Variants in GPC6 observed in about 807,000 individuals in gnomAD.
GPC6 encodes the protein glypican 6.
A neutral mutation model predicts 55.2 loss-of-function variants in GPC6; 14 were observed. The observed-to-expected ratio is 0.25, with a 90% confidence interval of 0.17 to 0.40. The LOEUF (loss-of-function observed/expected upper bound fraction) is 0.40, where lower values mean the gene tolerates loss of function less well. GPC6 is among the 10% of genes least tolerant of loss of function. The pLI is 1.00. For missense variants in GPC6, 641 were observed against 708.5 expected, an observed-to-expected ratio of 0.90 and a Z score of 1.08; for synonymous variants, 278 against 259.6, an observed-to-expected ratio of 1.07 and a Z score of -0.68.
chr13:94,106,436 T>C (rs990450943), intron 4 of GPC6, among the ~76,000 whole-genome samples: 1 of 152,110 alleles, frequency 6.6e-6, no homozygotes, highest in Non-Finnish European at 1.5e-5. Context: ...TTCTGAGAAG[T>C]TGGAAAGTAA....
chr13:94,161,716 A>C (rs1888172741), intron 4 of GPC6, among the ~76,000 whole-genome samples: 1 of 152,166 alleles, frequency 6.6e-6, no homozygotes, highest in Non-Finnish European at 1.5e-5. Context: ...GTCAGCTAGA[A>C]TATTCTGCAC....
chr13:93,410,969 A>G (rs1191109528), intron 1 of GPC6, among the ~76,000 whole-genome samples: 1 of 152,176 alleles, frequency 6.6e-6, no homozygotes, highest in Non-Finnish European at 1.5e-5. Context: ...TTGCATCCAT[A>G]TATGTCAATG....
rs374294583 is a variant in GPC6, at chr13:93,873,308, T to G, written c.711+42763T>G. Among the ~76,000 whole-genome samples the G allele has an allele frequency of 9.2e-5, 14 of 152,116 alleles. 1 individual carries two copies. Among genetic ancestry groups the G allele is most frequent in the African/African-American group, 3.4e-4 (14 of 41,552 alleles). Reference sequence around the variant, plus strand: ...ACTACATTTTAATTCTGTTTAACATTGCCTCTTTCTTTTTAATTTTTGGTG... The same window carrying G: ...ACTACATTTTAATTCTGTTTAACATGGCCTCTTTCTTTTTAATTTTTGGTG... On this transcript the variant is annotated intron_variant, in intron 3 of 8. Coordinates refer to ENST00000377047, the MANE Select transcript of GPC6 (RefSeq NM_005708.5).
chr13:93,532,274 T>G (rs1594241626), intron 1 of GPC6, among the ~76,000 whole-genome samples: 1 of 152,240 alleles, frequency 6.6e-6, no homozygotes, highest in East Asian at 1.9e-4. Flanking sequence ...TTCTATTCAT[T>G]ATCTTTTAAA....
chr13:93,652,522 C>T (rs1195178261), intron 2 of GPC6, among the ~76,000 whole-genome samples: 1 of 152,188 alleles, frequency 6.6e-6, no homozygotes, highest in East Asian at 1.9e-4. Context: ...TTAGGAATTG[C>T]ATTTTTGCCC....
At chr13:93,780,673 T>A (rs1397242861) in intron 2 of GPC6, among the ~76,000 whole-genome samples, 2 of 151,906 alleles carry the variant, frequency 1.3e-5, no homozygotes, top group Non-Finnish European at 2.9e-5. Context: ...TATCTAAGGT[T>A]ACTCCTATTA....
At chr13:93,751,441 G>GA (rs973192922) in intron 2 of GPC6, among the ~76,000 whole-genome samples, 204 of 145,440 alleles carry the variant, frequency 1.4e-3, no homozygotes, top group Middle Eastern at 7.0e-3. Flanking sequence ...GAAAAAAGAA[G>GA]AAAAAAAAAA....
intron 3 of GPC6, among the ~76,000 whole-genome samples, chr13:93,864,702 T>A (rs1323875287): frequency 1.3e-5 from 2 of 151,740 alleles, no homozygotes; most frequent in African/African-American, 4.8e-5. Flanking sequence ...ATCATTCTAG[T>A]TTTACAGATG....
At chr13:93,951,919 G>A (rs542303693) in intron 3 of GPC6, among the ~76,000 whole-genome samples, 3 of 152,232 alleles carry the variant, frequency 2.0e-5, no homozygotes, top group East Asian at 3.9e-4. Flanking sequence ...AATGGGTTGT[G>A]TTTTAAAGGT....
chr13:93,931,387 G>A (rs996077489), intron 3 of GPC6, among the ~76,000 whole-genome samples: 1 of 149,922 alleles, frequency 6.7e-6, no homozygotes, highest in South Asian at 2.1e-4. Flanking sequence ...GCATGGATTC[G>A]GTTCCAAATA....
At chr13:93,830,130 G>T in intron 2 of GPC6, 24 bp from the exon 3 acceptor site, 1 of 1,591,060 alleles carries the variant, frequency 6.3e-7, no homozygotes, top group South Asian at 1.1e-5. Flanking sequence ...ATTAATTTAT[G>T]ACTTCTTTCT....
At chr13:94,142,986 G>A (rs1361733449) in intron 4 of GPC6, among the ~76,000 whole-genome samples, 8 of 151,600 alleles carry the variant, frequency 5.3e-5, no homozygotes, top group East Asian at 2.0e-4. Context: ...GTGCCACCAC[G>A]CCCAGCTAAT....
chr13:93,891,253 T>G (rs1381133150), intron 3 of GPC6, among the ~76,000 whole-genome samples: 1 of 152,118 alleles, frequency 6.6e-6, no homozygotes, highest in Non-Finnish European at 1.5e-5. Context: ...TATGCTGATG[T>G]TATTATGTTT....
At chr13:93,275,783 C>T (rs1285528380) in intron 1 of GPC6, among the ~76,000 whole-genome samples, 1 of 152,194 alleles carries the variant, frequency 6.6e-6, no homozygotes, top group Non-Finnish European at 1.5e-5. Context: ...GGTCCTATCT[C>T]TAAATACAGT....
intron 6 of GPC6, among the ~76,000 whole-genome samples, chr13:94,316,607 C>G (rs1253575670): frequency 2.7e-5 from 4 of 149,942 alleles, no homozygotes; most frequent in African/African-American, 9.8e-5. Flanking sequence ...GTCCCAGCTA[C>G]TTGGGAGGCT....
chr13:94,054,865 AT>A (rs1451727576), intron 4 of GPC6, among the ~76,000 whole-genome samples: 2 of 152,092 alleles, frequency 1.3e-5, no homozygotes, highest in East Asian at 3.9e-4. Context: ...TATGCTCTGT[AT>A]TAGAGAGCTT....
intron 4 of GPC6, among the ~76,000 whole-genome samples, chr13:94,056,780 C>A (rs1011755212): frequency 6.6e-6 from 1 of 152,174 alleles, no homozygotes; most frequent in African/African-American, 2.4e-5. Flanking sequence ...GAAATCCAAT[C>A]TGAGGGGTCA....
chr13:93,800,175 A>T (rs1350292987), intron 2 of GPC6, among the ~76,000 whole-genome samples: 2 of 152,226 alleles, frequency 1.3e-5, no homozygotes, highest in African/African-American at 4.8e-5. Context: ...CATAACAACT[A>T]TGACAAAATA....
chr13:93,545,962 T>C (rs1648372386), intron 2 of GPC6, among the ~76,000 whole-genome samples: 1 of 152,222 alleles, frequency 6.6e-6, no homozygotes, highest in African/African-American at 2.4e-5. Context: ...AAGCAGTCAA[T>C]GTTATTTCTA....
Sources: gnomAD v4.1 joint callset for allele counts (sites outside exome capture counted in the v4.1 genomes callset) on GRCh38, gnomAD v4.1.1 for gene constraint, MANE v1.5 for transcripts, NCBI Gene and HGNC (gene_info 2026-07-23, HGNC 2026-07-21) for gene names.